The following EPN2 variants were observed in gnomAD, a reference collection of about 807,000 sequenced individuals.
EPN2 encodes the protein epsin 2, also known as epsin-2.
A neutral mutation model predicts 61.7 loss-of-function variants in EPN2; 34 were observed. That is an observed-to-expected ratio of 0.55 (90% CI 0.42 to 0.73). The LOEUF is 0.73. Among genes scored for constraint, EPN2 ranks in the 30% least tolerant of loss-of-function variants. EPN2 has a pLI of 0.00. For missense variants in EPN2, 714 were observed against 839.2 expected, an observed-to-expected ratio of 0.85 and a Z score of 1.84; for synonymous variants, 349 against 353.6, an observed-to-expected ratio of 0.99 and a Z score of 0.15.
chr17:19,292,659 C>T (rs920489634), intron 4 of EPN2, among the ~76,000 whole-genome samples: 1 of 152,240 alleles, frequency 6.6e-6, no homozygotes, highest in Admixed American at 6.5e-5. Context: ...CTCGTTCTTG[C>T]CACAAGGGCT....
intron 4 of EPN2, among the ~76,000 whole-genome samples, chr17:19,308,898 G>A (rs1208580777): frequency 2.6e-5 from 4 of 152,204 alleles, no homozygotes; most frequent in African/African-American, 9.6e-5. Flanking sequence ...CTCCCGTGGG[G>A]TTTGTTACAT....
At chr17:19,265,484 C>T (rs1184156497) in intron 1 of EPN2, among the ~76,000 whole-genome samples, 3 of 152,182 alleles carry the variant, frequency 2.0e-5, no homozygotes, top group Non-Finnish European at 2.9e-5. Flanking sequence ...CCCAAGCATG[C>T]ACTGCTCTGC....
intron 1 of EPN2, among the ~76,000 whole-genome samples, chr17:19,240,031 G>A (rs1410972672): frequency 6.6e-6 from 1 of 151,886 alleles, no homozygotes; most frequent in East Asian, 1.9e-4. Context: ...TTTCGGTTGT[G>A]AACTGAAGTA....
Position 19,334,412 on chromosome 17 carries a change from T to G in EPN2, c.*158T>G. 1 of 536,138 alleles carries G rather than the reference T, an allele frequency of 1.9e-6. No homozygotes were observed. Among genetic ancestry groups the G allele is most frequent in the East Asian group, 3.4e-5 (1 of 29,298 alleles). 33.2% of individuals were successfully genotyped at this position (536,138 alleles called of 1,614,324 possible). On this transcript the variant is annotated 3_prime_UTR_variant, in exon 11 of 11. Coordinates refer to ENST00000314728, the MANE Select transcript of EPN2 (RefSeq NM_014964.5). The surrounding 1 kb of genome is among the most constrained non-coding windows in gnomAD (Gnocchi z 4.9). The stretch of plus-strand genomic sequence containing the variant: ...AGGGCTGTCTTTACAGCCCCAACCC[T>G]CAGACCCTCGCCTTCCAAGGCAGGC...
chr17:19,305,084 C>A (rs1035403608), intron 4 of EPN2, among the ~76,000 whole-genome samples: 6 of 152,106 alleles, frequency 3.9e-5, no homozygotes, highest in Admixed American at 6.6e-5. Flanking sequence ...AGAATCCTGT[C>A]CCATGTGCTG....
chr17:19,313,241 C>T lies in EPN2; in HGVS notation c.1109C>T (p.Ala370Val), dbSNP rs1047449637. 3.8e-6 allele frequency: 6 copies of T among 1,585,266 alleles called. No homozygotes were observed. The highest frequency in any genetic ancestry group is 1.9e-5 in the Admixed American group (1 of 52,980). The change falls in exon 7 of 11, where the codon GCG becomes GTG. Residue 370 changes from alanine (A) to valine (V), a missense_variant. Around this residue, in one of 2 missense-constraint regions of EPN2, gnomAD observed 410 missense variants for 421.8 expected, o/e 0.97. Transcript: ENST00000314728. Reference protein sequence around the residue: ...TNQTNPWGGPAAPASTSDPWP... With the variant: ...TNQTNPWGGPVAPASTSDPWP... The stretch of plus-strand genomic sequence containing the variant: ...CAGACCAACCCCTGGGGCGGGCCAG[C>T]GGCTCCTGCGAGTACTTCAGACCCC...
chr17:19,244,344 A>G (rs1386515316), intron 1 of EPN2, among the ~76,000 whole-genome samples: 2 of 152,142 alleles, frequency 1.3e-5, no homozygotes, highest in African/African-American at 2.4e-5. Flanking sequence ...CTGTAGTCCC[A>G]ACTACTCGAG....
chr17:19,307,810 C>A, intron 4 of EPN2: 2 of 705,298 alleles, frequency 2.8e-6, no homozygotes, highest in Non-Finnish European at 3.5e-6. Context: ...TCCCCTGGTT[C>A]TTCTGTGGAT....
At chr17:19,325,969 A>G (rs192321562) in intron 7 of EPN2, among the ~76,000 whole-genome samples, 1 of 152,368 alleles carries the variant, frequency 6.6e-6, no homozygotes, top group Admixed American at 6.5e-5. Context: ...ATAACAATAA[A>G]TAGATTTCTA....
At chr17:19,276,249 A>G (rs2045303819) in intron 1 of EPN2, 1 of 151,242 alleles carries the variant, frequency 6.6e-6, no homozygotes, top group Non-Finnish European at 1.5e-5. Flanking sequence ...GTGCAGTGGC[A>G]TTATCATGGT....
intron 1 of EPN2, among the ~76,000 whole-genome samples, chr17:19,266,879 C>T (rs891408718): frequency 2.7e-5 from 4 of 150,476 alleles, no homozygotes; most frequent in East Asian, 2.1e-4. Context: ...TAATGCAACA[C>T]GGATGAACCT....
intron 1 of EPN2, among the ~76,000 whole-genome samples, chr17:19,248,126 A>C (rs1291838328): frequency 6.6e-6 from 1 of 152,176 alleles, no homozygotes; most frequent in Non-Finnish European, 1.5e-5. Context: ...AAGCCAGAAG[A>C]AGCCTTTGAA....
intron 4 of EPN2, among the ~76,000 whole-genome samples, chr17:19,292,063 T>G (rs2045470862): frequency 6.6e-6 from 1 of 152,118 alleles, no homozygotes; most frequent in African/African-American, 2.4e-5. Context: ...TTTTGAAAAC[T>G]CAAAGATGTG....
chr17:19,333,597 T>C (rs1382478306), intron 10 of EPN2, among the ~76,000 whole-genome samples: 1 of 152,122 alleles, frequency 6.6e-6, no homozygotes, highest in Non-Finnish European at 1.5e-5. Context: ...CCCATGTCCC[T>C]TTCAGCAAAC....
chr17:19,243,688 C>T (rs2044912572), intron 1 of EPN2, among the ~76,000 whole-genome samples: 1 of 152,002 alleles, frequency 6.6e-6, no homozygotes, highest in African/African-American at 2.4e-5. Context: ...CCACTGCGCC[C>T]GGCCATGCCC....
intron 7 of EPN2, among the ~76,000 whole-genome samples, chr17:19,320,536 A>C (rs1856603456): frequency 6.6e-6 from 1 of 152,296 alleles, no homozygotes; most frequent in Non-Finnish European, 1.5e-5. Context: ...GAGTCATCTC[A>C]GTAGCTTCTA....
rs1231851719 is a variant in EPN2 at position 19,334,153 on chromosome 17, C to T, written c.1825C>T (p.Leu609=). ...AGCTCTGGGGGCCACTGGTTCCTCT[C>T]TGACACCACTGGGCCCTGCAATGAT... ...QPALGATGSS[L]TPLGPAMMNM... The change falls in exon 11 of 11, where the codon CTG becomes TTG. Residue 609 remains leucine (L), a synonymous_variant. Transcript: ENST00000314728. This position sits in a 1 kb window ranked among gnomAD's most constrained non-coding sequence, Gnocchi z 4.9. The T allele has an allele frequency of 1.2e-6, 2 of 1,603,640 alleles. No individual in the cohort carries two copies. The highest frequency in any genetic ancestry group is 2.2e-5 in the East Asian group (1 of 44,574).
intron 4 of EPN2, among the ~76,000 whole-genome samples, chr17:19,306,576 C>CGTAA (rs1905854456): frequency 6.6e-6 from 1 of 152,202 alleles, no homozygotes; most frequent in African/African-American, 2.4e-5. Context: ...TTATGGTAGA[C>CGTAA]GTAAACATGT....
intron 1 of EPN2, among the ~76,000 whole-genome samples, chr17:19,243,539 C>A (rs1435985089): frequency 6.6e-6 from 1 of 151,750 alleles, no homozygotes; most frequent in Non-Finnish European, 1.5e-5. Flanking sequence ...ACTACAGGCA[C>A]CCGCCACCAC....
Sources: allele counts gnomAD v4.1 joint callset (sites outside exome capture counted in the v4.1 genomes callset), GRCh38; gene constraint gnomAD v4.1.1; regional missense constraint gnomAD v4.1.1; non-coding constraint Gnocchi (gnomAD v3.1); transcripts MANE v1.5; gene names NCBI Gene and HGNC (gene_info 2026-07-23, HGNC 2026-07-21).